UNKL: variants seen among roughly 807,000 people sequenced by gnomAD.
The protein encoded by UNKL is unk like zinc finger, also known as putative E3 ubiquitin-protein ligase UNKL.
UNKL carries 60 observed loss-of-function variants against 78.0 expected under a neutral mutation model. That is an observed-to-expected ratio of 0.77 (90% CI 0.63 to 0.95). UNKL has a LOEUF of 0.95. Ranked by LOEUF, UNKL falls within the 40% of genes least tolerant of loss-of-function variation. UNKL has a pLI of 0.00. For synonymous variants in UNKL, 608 were observed against 474.8 expected, an observed-to-expected ratio of 1.28 and a Z score of -3.65; for missense variants, 1,159 against 1,045.7, an observed-to-expected ratio of 1.11 and a Z score of -1.49.
At chr16:1,379,684 C>T in intron 10 of UNKL, 1 of 984,426 alleles carries the variant, frequency 1.0e-6, no homozygotes, top group Non-Finnish European at 1.2e-6. Context: ...GGGATTCAAA[C>T]CCGGCCCGCG....
chr16:1,408,181 A>C (rs777552719), intron 2 of UNKL, among the ~76,000 whole-genome samples: 2 of 152,022 alleles, frequency 1.3e-5, no homozygotes, highest in Non-Finnish European at 2.9e-5. Context: ...TCTTTACCGC[A>C]ATCTGTTTAA....
chr16:1,414,693 T>C lies in UNKL; in HGVS notation c.-2A>G. On this transcript the variant is annotated 5_prime_UTR_variant, in exon 1 of 15. Transcript: ENST00000389221. ...CGCCGCTTTCGAAACCGACGGCATT[T>C]TCAGTCAAAACAATGCAGCGCGCAT... 1.8e-6 allele frequency: 2 copies of C among 1,139,502 alleles called. No homozygotes were observed. The highest frequency in any genetic ancestry group is 2.2e-6 in the Non-Finnish European group (2 of 917,370). 70.6% of individuals were successfully genotyped at this position (1,139,502 alleles called of 1,614,324 possible).
chr16:1,413,243 CAAAAAAAAAAAAAAAAAAAAA>C (rs546295462), intron 2 of UNKL, among the ~76,000 whole-genome samples: 2 of 71,648 alleles, frequency 2.8e-5, no homozygotes, highest in Non-Finnish European at 5.2e-5. Flanking sequence ...GACCCTGTCT[CAAAAAAAAAAAAAAAAAAAAA>C]AAAAAAAAAA....
At chr16:1,381,176 C>T (rs565532813) in intron 10 of UNKL, among the ~76,000 whole-genome samples, 30 of 152,344 alleles carry the variant, frequency 2.0e-4, no homozygotes, top group South Asian at 4.1e-4. Flanking sequence ...GACTTTCCAC[C>T]CGAGTGAGCA....
At chr16:1,411,889 T>C (rs2038055993) in intron 2 of UNKL, 1 of 152,370 alleles carries the variant, frequency 6.6e-6, no homozygotes, top group South Asian at 2.1e-4. Flanking sequence ...TTAAAGTTTC[T>C]AGCGTCCTTA....
At chr16:1,374,240 G>A (rs1397051808) in intron 10 of UNKL, among the ~76,000 whole-genome samples, 1 of 152,194 alleles carries the variant, frequency 6.6e-6, no homozygotes, top group Non-Finnish European at 1.5e-5. Flanking sequence ...CCTCCCCGCT[G>A]CCCACCTTTG....
intron 9 of UNKL, among the ~76,000 whole-genome samples, chr16:1,386,335 C>T (rs2036811446): frequency 1.3e-5 from 2 of 152,016 alleles, no homozygotes; most frequent in African/African-American, 2.4e-5. Flanking sequence ...GGCAGATCAC[C>T]TGAGATCAGG....
rs747016691 is a variant in UNKL at position 1,366,297 on chromosome 16, C to G, written c.2145G>C (p.Pro715=). 1.3e-6 allele frequency: 2 copies of G among 1,598,642 alleles called. No homozygotes were observed. The highest frequency in any genetic ancestry group is 1.7e-6 in the Non-Finnish European group (2 of 1,174,138). ...RPCQHHILCE[P]CAATAPECPY... ...GGCACTCAGGTGCGGTGGCCGCACA[C>G]GGCTCACAGAGGATGTGGTGCTGAC... The change falls in exon 15 of 15, where the codon CCG becomes CCC. Residue 715 remains proline (P), a synonymous_variant. Coordinates refer to ENST00000389221, the MANE Select transcript of UNKL (RefSeq NM_001372107.1).
At chr16:1,370,484 A>C in intron 11 of UNKL, 127 bp from the exon 12 acceptor site, 4 of 1,353,562 alleles carry the variant, frequency 3.0e-6, no homozygotes, top group East Asian at 5.5e-5. Flanking sequence ...GGGTGGGAAT[A>C]TAGGGGCCAG....
chr16:1,368,271 A>G (rs1216939618), intron 12 of UNKL: 2 of 201,978 alleles, frequency 9.9e-6, no homozygotes, highest in African/African-American at 2.3e-5. Context: ...ATGTCTATGC[A>G]GCTTTAGAGA....
At chr16:1,385,148 A>G in intron 10 of UNKL, 60 bp downstream of exon 10, 1 of 1,180,992 alleles carries the variant, frequency 8.5e-7, no homozygotes, top group Non-Finnish European at 1.1e-6. Context: ...CTGTCCCTGA[A>G]AAGCTACAGC....
At position 1,382,038 on chromosome 16, in the gene UNKL, G is replaced by T. The variant is rs1596699406; in HGVS notation, c.1264+3170C>A. Among the ~76,000 whole-genome samples, 8 of 152,306 alleles carry T rather than the reference G, an allele frequency of 5.3e-5. No homozygotes were observed. In the South Asian group the frequency reaches 1.7e-3, roughly 32 times the overall value. On this transcript the variant is annotated intron_variant, in intron 10 of 14. Transcript: ENST00000389221. ...CTCTGTCCCTGGGCTGGGATGGAAT[G>T]GGATGGGGGTGGGCACCCCAGCATA...
At chr16:1,378,717 G>C (rs1385406119) in intron 10 of UNKL, among the ~76,000 whole-genome samples, 2 of 152,118 alleles carry the variant, frequency 1.3e-5, no homozygotes, top group East Asian at 3.9e-4. Flanking sequence ...TTCAGGGAGC[G>C]TGTGGGTGCC....
chr16:1,414,599 C>A lies in UNKL; in HGVS notation c.77+16G>T. On this transcript the variant is annotated intron_variant, in intron 1 of 14. Transcript: ENST00000389221. ...CCGGGCGCGGGCGGGGGGCCGCAGG[C>A]CGGACGGGCGCTGACCTGTAGTGGG... The A allele has an allele frequency of 9.7e-7, 1 of 1,035,242 alleles. No individual in the cohort carries two copies. Among genetic ancestry groups the A allele is most frequent in the South Asian group, 3.7e-5 (1 of 27,268 alleles). 64.1% of individuals were successfully genotyped at this position (1,035,242 alleles called of 1,614,324 possible).
At position 1,404,695 on chromosome 16, in the gene UNKL, A is replaced by G. The variant is rs530427357; in HGVS notation, c.288-1351T>C. Among the ~76,000 whole-genome samples the G allele has an allele frequency of 3.9e-5, 6 of 152,346 alleles. No individual in the cohort carries two copies. The South Asian group carries it at 1.2e-3, about 32-fold the overall frequency. On this transcript the variant is annotated intron_variant, in intron 2 of 14. Transcript: ENST00000389221. The stretch of plus-strand genomic sequence containing the variant: ...CACAGCAGCGTCATTCGCAAGAGCC[A>G]AGAGGCAGAAACCACCCAAGTGGGC...
chr16:1,399,115 T>G lies in UNKL; in HGVS notation c.734+259A>C. ...GTCCCTCCTGCAGTGCTCCGTCCCC[T>G]TGCCTGGCAGAGGGGCCCCGGTAGG... On this transcript the variant is annotated intron_variant, in intron 5 of 14. Transcript: ENST00000389221. The surrounding 1 kb of genome is among the most constrained non-coding windows in gnomAD (Gnocchi z 5.8). 8.3e-7 allele frequency: 1 copy of G among 1,201,632 alleles called. No individual in the cohort carries two copies. Among genetic ancestry groups the G allele is most frequent in the Non-Finnish European group, 1.1e-6 (1 of 890,430 alleles). 74.4% of individuals were successfully genotyped at this position (1,201,632 alleles called of 1,614,324 possible).
chr16:1,372,611 G>GT (rs772237685), intron 10 of UNKL, among the ~76,000 whole-genome samples: 35 of 152,198 alleles, frequency 2.3e-4, no homozygotes, highest in Non-Finnish European at 4.0e-4. Flanking sequence ...AAGCCACAGC[G>GT]TGTCTCAAAC....
chr16:1,402,987 G>A (rs995943628), intron 3 of UNKL, among the ~76,000 whole-genome samples, 181 bp downstream of exon 3: 1 of 152,066 alleles, frequency 6.6e-6, no homozygotes, highest in South Asian at 2.1e-4. Flanking sequence ...ACGAGAATCC[G>A]TCTCAAAAAA....
Position 1,363,805 on chromosome 16 carries a change from G to T in UNKL, c.*2435C>A. ...CCAGCCATTCTTTGGTCTTCCCACT[G>T]CTCACCTGTCCTCAGAGCCAGTACT... On this transcript the variant is annotated 3_prime_UTR_variant, in exon 15 of 15. Coordinates refer to ENST00000389221, the MANE Select transcript of UNKL (RefSeq NM_001372107.1). 1 of 158,052 alleles carries T rather than the reference G, an allele frequency of 6.3e-6. No individual in the cohort carries two copies. Among genetic ancestry groups the T allele is most frequent in the Non-Finnish European group, 1.4e-5 (1 of 71,504 alleles). The allele number at this position is 158,052 out of a possible 1,614,324, so 9.8% of individuals were successfully genotyped here.
Sources: gnomAD v4.1 joint callset for allele counts (sites outside exome capture counted in the v4.1 genomes callset) on GRCh38, gnomAD v4.1.1 for gene constraint, Gnocchi (gnomAD v3.1) non-coding constraint, MANE v1.5 for transcripts, NCBI Gene and HGNC (gene_info 2026-07-23, HGNC 2026-07-21) for gene names.